Variants in OXR1 observed in about 807,000 individuals in gnomAD.
OXR1 encodes the protein oxidation resistance 1.
A neutral mutation model predicts 104.6 loss-of-function variants in OXR1; 41 were observed. That is an observed-to-expected ratio of 0.39 (90% confidence interval 0.31 to 0.51). The LOEUF (loss-of-function observed/expected upper bound fraction) is 0.51. OXR1 is among the 20% of genes least tolerant of loss of function. The pLI, the probability that OXR1 is intolerant of heterozygous loss-of-function variation, is 0.77. For synonymous variants in OXR1, 348 were observed against 348.4 expected (o/e 1.00, Z 0.01); for missense variants, 955 against 1,031.9 (o/e 0.93, Z 1.02).
At chr8:106,475,209 A>G (rs1328378810) in intron 2 of OXR1, among the ~76,000 whole-genome samples, 1 of 151,978 alleles carries the variant, frequency 6.6e-6, no homozygotes, top group Non-Finnish European at 1.5e-5. Context: ...GCTGGCCAGA[A>G]GCCTTACTTA....
intron 3 of OXR1, among the ~76,000 whole-genome samples, chr8:106,640,203 G>T (rs181551726): frequency 3.3e-5 from 5 of 151,966 alleles, no homozygotes; most frequent in Non-Finnish European, 5.9e-5. Context: ...TGTGGGGAAT[G>T]AAAATAGTTC....
intron 12 of OXR1, among the ~76,000 whole-genome samples, 184 bp downstream of exon 12, chr8:106,737,784 T>C (rs1436316012): frequency 6.6e-6 from 1 of 152,166 alleles, no homozygotes; most frequent in African/African-American, 2.4e-5. Flanking sequence ...CTGTCATCTT[T>C]TCATTTGAAA....
At chr8:106,429,963 T>A (rs1045304271) in intron 2 of OXR1, among the ~76,000 whole-genome samples, 2 of 152,188 alleles carry the variant, frequency 1.3e-5, no homozygotes, top group Non-Finnish European at 2.9e-5. Context: ...TCTCTTTGAA[T>A]TGACAGTTAT....
At chr8:106,741,618 C>G (rs1834923949) in intron 14 of OXR1, among the ~76,000 whole-genome samples, 1 of 152,068 alleles carries the variant, frequency 6.6e-6, no homozygotes, top group African/African-American at 2.4e-5. Flanking sequence ...CTGTCAGACT[C>G]TCTGCACTCC....
chr8:106,637,102 C>T (rs1823201822), intron 3 of OXR1, among the ~76,000 whole-genome samples: 1 of 152,152 alleles, frequency 6.6e-6, no homozygotes, highest in African/African-American at 2.4e-5. Flanking sequence ...CCCCTCTACT[C>T]CTCAGCTTGT....
intron 3 of OXR1, among the ~76,000 whole-genome samples, chr8:106,659,726 G>C (rs566057060): frequency 6.6e-6 from 1 of 152,306 alleles, no homozygotes; most frequent in Non-Finnish European, 1.5e-5. Context: ...TCGGTGGCCC[G>C]TGTCTGTAGT....
At chr8:106,718,151 C>T (rs1832447618) in intron 11 of OXR1, among the ~76,000 whole-genome samples, 1 of 152,092 alleles carries the variant, frequency 6.6e-6, no homozygotes, top group African/African-American at 2.4e-5. Flanking sequence ...TTTTCCAGTA[C>T]TTCAACTGTT....
chr8:106,342,266 C>A (rs1255592994), intron 1 of OXR1, among the ~76,000 whole-genome samples: 2 of 106,774 alleles, frequency 1.9e-5, no homozygotes, highest in Non-Finnish European at 3.9e-5. Context: ...TTTTTTTTTT[C>A]TCGAGACAGA....
At chr8:106,468,406 A>T (rs1314411572) in intron 2 of OXR1, among the ~76,000 whole-genome samples, 2 of 151,842 alleles carry the variant, frequency 1.3e-5, no homozygotes, top group African/African-American at 2.4e-5. Flanking sequence ...CATATACTAC[A>T]TCCACACACA....
At chr8:106,379,533 C>CTTTT (rs1817047602) in intron 2 of OXR1, among the ~76,000 whole-genome samples, 1 of 96,972 alleles carries the variant, frequency 1.0e-5, no homozygotes, top group Non-Finnish European at 2.0e-5. Flanking sequence ...TTTTTTCTTT[C>CTTTT]TTTCTTTTTT....
chr8:106,749,425 C>G (rs1405970673), intron 16 of OXR1, among the ~76,000 whole-genome samples: 2 of 151,916 alleles, frequency 1.3e-5, no homozygotes, highest in Non-Finnish European at 2.9e-5. Flanking sequence ...TGATGGCAAG[C>G]CTGAAGGTCA....
chr8:106,681,090 T>C (rs1270026542), intron 4 of OXR1, among the ~76,000 whole-genome samples: 1 of 152,222 alleles, frequency 6.6e-6, no homozygotes, highest in Non-Finnish European at 1.5e-5. Flanking sequence ...CTCTTTCTTG[T>C]TCCAGTAATC....
intron 3 of OXR1, among the ~76,000 whole-genome samples, chr8:106,557,804 A>G (rs985842793): frequency 6.6e-6 from 1 of 152,090 alleles, no homozygotes; most frequent in Non-Finnish European, 1.5e-5. Context: ...TGGTAACAGA[A>G]TTTTTCTCTC....
chr8:106,280,254 G>C (rs769166138), intron 1 of OXR1, among the ~76,000 whole-genome samples: 1 of 152,190 alleles, frequency 6.6e-6, no homozygotes, highest in Non-Finnish European at 1.5e-5. Flanking sequence ...CAGAAATACT[G>C]TTTTCATTTC....
intron 2 of OXR1, among the ~76,000 whole-genome samples, chr8:106,402,783 C>T (rs190157188): frequency 6.6e-6 from 1 of 152,180 alleles, no homozygotes; most frequent in Admixed American, 6.5e-5. Flanking sequence ...ACCCAACTTC[C>T]CCTTCATTGA....
At chr8:106,588,925 C>T (rs1818859609) in intron 3 of OXR1, among the ~76,000 whole-genome samples, 1 of 152,224 alleles carries the variant, frequency 6.6e-6, no homozygotes. Context: ...TAACTCATAA[C>T]TTTGTAACCA....
chr8:106,659,113 A>T (rs1825481635), intron 3 of OXR1, among the ~76,000 whole-genome samples: 1 of 152,188 alleles, frequency 6.6e-6, no homozygotes, highest in East Asian at 1.9e-4. Context: ...CAGTCATTTT[A>T]TTTTAAATTT....
intron 2 of OXR1, among the ~76,000 whole-genome samples, chr8:106,473,577 C>T (rs546447914): frequency 8.9e-4 from 135 of 151,760 alleles, no homozygotes; most frequent in African/African-American, 2.3e-3. Flanking sequence ...TTACACAAAG[C>T]GTATGTCTGT....
intron 11 of OXR1, among the ~76,000 whole-genome samples, chr8:106,720,301 A>G (rs1014706856): frequency 2.6e-5 from 4 of 152,238 alleles, no homozygotes; most frequent in African/African-American, 9.6e-5. Flanking sequence ...AATTGGGGCT[A>G]GGACCTAGTT....
Sources: allele counts gnomAD v4.1 joint callset (sites outside exome capture counted in the v4.1 genomes callset), GRCh38; gene constraint gnomAD v4.1.1; transcripts MANE v1.5; gene names NCBI Gene and HGNC (gene_info 2026-07-23, HGNC 2026-07-21).